The following TAFA1 variants were observed in gnomAD, a reference collection of about 807,000 sequenced individuals.
TAFA1 encodes TAFA chemokine like family member 1.
Under a neutral mutation model 18.5 loss-of-function variants are expected in TAFA1, and 4 were observed. The ratio of observed to expected loss-of-function variants is 0.22; its 90% CI spans 0.11 to 0.49. The LOEUF (loss-of-function observed/expected upper bound fraction) is 0.49, where lower values mean the gene tolerates loss of function less well. Ranked by LOEUF, TAFA1 falls within the 20% of genes least tolerant of loss-of-function variation. The probability of loss-of-function intolerance (pLI) is 0.98; values close to 1 mark genes in which losing one functional copy is unlikely to be tolerated. For synonymous variants in TAFA1, 56 were observed against 55.2 expected, an observed-to-expected ratio of 1.01 and a Z score of -0.06; for missense variants, 147 against 169.0, an observed-to-expected ratio of 0.87 and a Z score of 0.72.
chr3:68,474,056 C>A (rs560518136), intron 3 of TAFA1, among the ~76,000 whole-genome samples: 32 of 149,390 alleles, frequency 2.1e-4, no homozygotes, highest in South Asian at 8.9e-4. Context: ...ATCACCCCCC[C>A]CCCCAAGTAA....
chr3:68,311,270 C>G (rs1312095178), intron 2 of TAFA1, among the ~76,000 whole-genome samples: 1 of 151,942 alleles, frequency 6.6e-6, no homozygotes, highest in South Asian at 2.1e-4. Flanking sequence ...GGACACAGAG[C>G]CAAACCATAT....
intron 2 of TAFA1, among the ~76,000 whole-genome samples, chr3:68,401,225 A>G (rs2106746824): frequency 6.6e-6 from 1 of 152,274 alleles, no homozygotes; most frequent in East Asian, 1.9e-4. Flanking sequence ...CAGGAGGTTA[A>G]GGAGGGCTTC....
intron 2 of TAFA1, among the ~76,000 whole-genome samples, chr3:68,218,475 TG>T (rs2066689388): frequency 6.6e-6 from 1 of 152,052 alleles, no homozygotes; most frequent in Admixed American, 6.6e-5. Flanking sequence ...AATGAGTCGA[TG>T]GGGCGTCAGT....
At chr3:68,040,083 A>G (rs543039055) in intron 2 of TAFA1, among the ~76,000 whole-genome samples, 1 of 152,332 alleles carries the variant, frequency 6.6e-6, no homozygotes, top group African/African-American at 2.4e-5. Flanking sequence ...TAGGATATGG[A>G]CAGGACATTG....
chr3:68,168,992 A>G (rs1260731484), intron 2 of TAFA1, among the ~76,000 whole-genome samples: 1 of 152,172 alleles, frequency 6.6e-6, no homozygotes, highest in South Asian at 2.1e-4. Flanking sequence ...TAAATTTGCT[A>G]TTCTTTAAGG....
At chr3:68,136,800 C>T (rs1559533959) in intron 2 of TAFA1, among the ~76,000 whole-genome samples, 1 of 152,128 alleles carries the variant, frequency 6.6e-6, no homozygotes, top group African/African-American at 2.4e-5. Context: ...GCATTGGATT[C>T]TCTCTTCCAT....
At chr3:68,037,362 A>G (rs1236815645) in intron 2 of TAFA1, among the ~76,000 whole-genome samples, 4 of 152,114 alleles carry the variant, frequency 2.6e-5, no homozygotes, top group Non-Finnish European at 4.4e-5. Flanking sequence ...AAGAATTTGT[A>G]CTTTTATCTT....
chr3:68,000,749 T>C (rs1034509253), upstream of TAFA1, among the ~76,000 whole-genome samples: 1 of 152,104 alleles, frequency 6.6e-6, no homozygotes, highest in African/African-American at 2.4e-5. Flanking sequence ...AGGTAAAAGA[T>C]GATGGTAGCC....
intron 2 of TAFA1, among the ~76,000 whole-genome samples, chr3:68,336,387 G>T (rs997473525): frequency 1.3e-5 from 2 of 152,104 alleles, no homozygotes; most frequent in African/African-American, 4.8e-5. Context: ...TACCTCTGAT[G>T]TGCTTTTATC....
At chr3:68,196,468 A>G (rs2066411253) in intron 2 of TAFA1, among the ~76,000 whole-genome samples, 1 of 151,740 alleles carries the variant, frequency 6.6e-6, no homozygotes, top group South Asian at 2.1e-4. Context: ...CTGCTTTCCA[A>G]TGTGCACTCA....
In TAFA1 at chr3:68,442,928, CA is replaced by C. The variant is rs148810753; in HGVS notation, c.259+25510del. Among the ~76,000 whole-genome samples the C allele has an allele frequency of 3.8e-3, 584 of 152,212 alleles. 4 individuals are homozygous for C. The highest frequency in any genetic ancestry group is 0.01 in the Middle Eastern group (3 of 294). On this transcript the variant is annotated intron_variant, in intron 3 of 4. Transcript: ENST00000478136. ...ACATTCTTGATTCAGTGGCTTGATGCAATAGATATTTACTTCTCATTCACAT... is the reference window on the plus strand; with the variant it reads ...ACATTCTTGATTCAGTGGCTTGATGCATAGATATTTACTTCTCATTCACAT...
intron 2 of TAFA1, among the ~76,000 whole-genome samples, chr3:68,298,116 C>T (rs1181600750): frequency 2.0e-5 from 3 of 152,188 alleles, no homozygotes; most frequent in Non-Finnish European, 4.4e-5. Flanking sequence ...GAAATGTCTG[C>T]ACTTCCTTTC....
At chr3:68,505,893 T>TTA (rs1553698574) in intron 3 of TAFA1, among the ~76,000 whole-genome samples, 2 of 151,390 alleles carry the variant, frequency 1.3e-5, no homozygotes, top group Non-Finnish European at 2.9e-5. Context: ...TCTTTTTTTT[T>TTA]TTATTATTAT....
chr3:68,043,628 C>T (rs1416928102), intron 2 of TAFA1, among the ~76,000 whole-genome samples: 1 of 151,994 alleles, frequency 6.6e-6, no homozygotes, highest in Non-Finnish European at 1.5e-5. Flanking sequence ...TGCCTTTTTT[C>T]CCTCTGAATT....
At chr3:68,153,090 G>A (rs1045034595) in intron 2 of TAFA1, among the ~76,000 whole-genome samples, 1 of 152,142 alleles carries the variant, frequency 6.6e-6, no homozygotes, top group African/African-American at 2.4e-5. Flanking sequence ...TCTCACTCAT[G>A]AATGGACAAA....
chr3:68,083,431 A>G (rs1356159211), intron 2 of TAFA1, among the ~76,000 whole-genome samples: 1 of 152,264 alleles, frequency 6.6e-6, no homozygotes, highest in Non-Finnish European at 1.5e-5. Flanking sequence ...AACTCCACAA[A>G]GTGATCATTA....
intron 2 of TAFA1, among the ~76,000 whole-genome samples, chr3:68,186,677 CT>C: frequency 6.6e-6 from 1 of 152,132 alleles, no homozygotes; most frequent in East Asian, 1.9e-4. Context: ...ACTTACCGTC[CT>C]TTATCCAGGG....
chr3:68,454,406 G>A (rs1980014), intron 3 of TAFA1, among the ~76,000 whole-genome samples: 2,572 of 152,106 alleles, frequency 0.017, 45 homozygotes, highest in Middle Eastern at 0.041. Flanking sequence ...AGATTTTAGG[G>A]TCAGCTATCT....
At chr3:68,454,585 A>G (rs544370848) in intron 3 of TAFA1, among the ~76,000 whole-genome samples, 1 of 152,284 alleles carries the variant, frequency 6.6e-6, no homozygotes, top group African/African-American at 2.4e-5. Flanking sequence ...TTTGGACACT[A>G]TGTAAGGACC....
Sources: allele counts gnomAD v4.1 joint callset (sites outside exome capture counted in the v4.1 genomes callset), GRCh38; gene constraint gnomAD v4.1.1; transcripts MANE v1.5; gene names NCBI Gene and HGNC (gene_info 2026-07-23, HGNC 2026-07-21).